The following CABLES1 variants were observed in gnomAD, a reference collection of about 807,000 sequenced individuals.
The protein encoded by CABLES1 is Cdk5 and Abl enzyme substrate 1.
CABLES1 carries 36 observed loss-of-function variants against 57.8 expected under a neutral mutation model. The ratio of observed to expected loss-of-function variants is 0.62; its 90% confidence interval spans 0.48 to 0.82. The LOEUF is 0.82. Ranked by LOEUF, CABLES1 falls within the 40% of genes least tolerant of loss-of-function variation. The pLI is 0.00. For synonymous variants in CABLES1, 374 were observed against 363.0 expected (o/e 1.03, Z -0.35); for missense variants, 767 against 836.6 (o/e 0.92, Z 1.03).
chr18:23,259,510 C>T lies in CABLES1; in HGVS notation c.*2143C>T, dbSNP rs1266188460. ...AGTGGTCCATTACTTTTTAAAGATG[C>T]ATTTTCATTTTAAACTGTCTCCTGG... On this transcript the variant is annotated 3_prime_UTR_variant, in exon 10 of 10. Coordinates refer to ENST00000256925, the MANE Select transcript of CABLES1 (RefSeq NM_001100619.3). The T allele has an allele frequency of 6.6e-6, 1 of 152,200 alleles. No homozygotes were observed. The highest frequency in any genetic ancestry group is 1.9e-4 in the East Asian group (1 of 5,208). 9.4% of individuals were successfully genotyped at this position (152,200 alleles called of 1,614,324 possible).
intron 3 of CABLES1, among the ~76,000 whole-genome samples, chr18:23,196,205 G>A (rs1008161726): frequency 6.6e-6 from 1 of 152,208 alleles, no homozygotes; most frequent in Admixed American, 6.5e-5. Flanking sequence ...AGTTTTGCTG[G>A]GGAGTTTTCA....
At chr18:23,225,853 T>G (rs1310548506) in intron 4 of CABLES1, among the ~76,000 whole-genome samples, 3 of 152,240 alleles carry the variant, frequency 2.0e-5, no homozygotes, top group African/African-American at 4.8e-5. Flanking sequence ...CCCCACTTAG[T>G]AAACAGCTTG....
At position 23,252,972 on chromosome 18, in the gene CABLES1, G is replaced by A. The variant is rs758226982; in HGVS notation, c.1459G>A (p.Asp487Asn). Residue 487 changes from aspartate to asparagine, a missense_variant, in exon 8 of 10, where the codon GAC becomes AAC. This residue lies in a region of CABLES1 where 529 missense variants were observed against 622.8 expected (regional missense o/e 0.85). Coordinates refer to ENST00000256925, the MANE Select transcript of CABLES1 (RefSeq NM_001100619.3). ...IFPSYMTTVIDYVKPSDLKKD... is the reference protein window; with the variant it reads ...IFPSYMTTVINYVKPSDLKKD... ...CTGTCTGTTACAGACAACAGTGATT[G>A]ACTACGTGAAGCCCTCGGATCTCAA... 1 of 1,610,480 alleles carries A rather than the reference G, an allele frequency of 6.2e-7. No individual in the cohort carries two copies. Among genetic ancestry groups the A allele is most frequent in the South Asian group, 1.1e-5 (1 of 90,968 alleles).
intron 1 of CABLES1, among the ~76,000 whole-genome samples, chr18:23,176,456 C>T (rs1197023079): frequency 2.0e-5 from 3 of 152,108 alleles, no homozygotes; most frequent in Non-Finnish European, 2.9e-5. Flanking sequence ...CCTAATAGGC[C>T]GTAAGACCCC....
At chr18:23,197,201 A>G (rs1296418622) in intron 3 of CABLES1, 2 of 152,254 alleles carry the variant, frequency 1.3e-5, no homozygotes, top group Non-Finnish European at 2.9e-5. Flanking sequence ...TGAAAAAACA[A>G]AACAAAAAAC....
intron 7 of CABLES1, among the ~76,000 whole-genome samples, chr18:23,248,522 TTTTTTTTTTTTTTTTTA>T (rs1235940447): frequency 7.5e-6 from 1 of 134,012 alleles, no homozygotes; most frequent in Non-Finnish European, 1.6e-5. Flanking sequence ...CTTTTTTTTT[TTTTTTTTTTTTTTTTTA>T]AAAAAAGGCT....
chr18:23,218,698 C>T (rs1361641496), intron 4 of CABLES1, among the ~76,000 whole-genome samples: 1 of 152,210 alleles, frequency 6.6e-6, no homozygotes, highest in Admixed American at 6.5e-5. Context: ...CCACCATGGC[C>T]TCCACATTTT....
intron 4 of CABLES1, among the ~76,000 whole-genome samples, chr18:23,221,156 T>C (rs1041727934): frequency 1.3e-5 from 2 of 152,264 alleles, no homozygotes; most frequent in African/African-American, 2.4e-5. Context: ...TGCAGCATTG[T>C]TGCATTAGAG....
intron 4 of CABLES1, among the ~76,000 whole-genome samples, chr18:23,222,939 C>T (rs2047500033): frequency 6.6e-6 from 1 of 152,216 alleles, no homozygotes; most frequent in Non-Finnish European, 1.5e-5. Context: ...CCAGCGAGGC[C>T]CCTCCCACCC....
At chr18:23,238,173 T>A (rs1054911759) in intron 7 of CABLES1, among the ~76,000 whole-genome samples, 1 of 152,234 alleles carries the variant, frequency 6.6e-6, no homozygotes, top group African/African-American at 2.4e-5. Context: ...CCAGGGGGTC[T>A]TTTTTCTCCC....
rs539853799 is a variant in CABLES1 at position 23,182,003 on chromosome 18, C to A, written c.846-6835C>A. 2.0e-5 allele frequency among the ~76,000 whole-genome samples: 3 copies of A among 152,308 alleles called. No individual in the cohort carries two copies. The East Asian group carries it at 5.8e-4, about 29-fold the overall frequency. ...CACACCTGTGAAGAAGCAACTGTGC[C>A]ATCCAGTGGCCCAGCGTGCAGCCAG... On this transcript the variant is annotated intron_variant, in intron 1 of 9. Transcript: ENST00000256925.
chr18:23,152,304 A>G (rs990354709), intron 1 of CABLES1, among the ~76,000 whole-genome samples: 1 of 152,094 alleles, frequency 6.6e-6, no homozygotes, highest in African/African-American at 2.4e-5. Context: ...ATTTCTTCTC[A>G]TTGCCTATTT....
chr18:23,205,667 C>T (rs2047357935), intron 3 of CABLES1, among the ~76,000 whole-genome samples: 1 of 152,060 alleles, frequency 6.6e-6, no homozygotes. Context: ...TAGGACGGGC[C>T]CTAATCCAAT....
chr18:23,171,850 G>A (rs960313390), intron 1 of CABLES1, among the ~76,000 whole-genome samples: 9 of 152,192 alleles, frequency 5.9e-5, no homozygotes, highest in Non-Finnish European at 1.3e-4. Context: ...TCCGAGCTCT[G>A]GCCTGTGAGT....
chr18:23,236,665 C>T (rs1371941247), intron 6 of CABLES1, among the ~76,000 whole-genome samples: 3 of 152,178 alleles, frequency 2.0e-5, no homozygotes, highest in Non-Finnish European at 4.4e-5. Flanking sequence ...AGTGTTCCGG[C>T]CACCTCTGAT....
chr18:23,203,288 G>C (rs913392065), intron 3 of CABLES1, among the ~76,000 whole-genome samples: 1 of 152,096 alleles, frequency 6.6e-6, no homozygotes, highest in Non-Finnish European at 1.5e-5. Context: ...TCTGCTTCAA[G>C]AATCATTTCA....
chr18:23,175,241 T>C (rs1011181675), intron 1 of CABLES1, among the ~76,000 whole-genome samples: 2 of 152,186 alleles, frequency 1.3e-5, no homozygotes, highest in African/African-American at 4.8e-5. Flanking sequence ...TATAAGTCAA[T>C]ATTATACTCT....
upstream of CABLES1, among the ~76,000 whole-genome samples, chr18:23,135,158 T>G (rs2046808159): frequency 6.6e-6 from 1 of 150,784 alleles, no homozygotes; most frequent in South Asian, 2.1e-4. Flanking sequence ...CAATTCCCAG[T>G]GCGAGCGCGC....
chr18:23,178,929 T>C (rs1261838459), intron 1 of CABLES1, among the ~76,000 whole-genome samples: 1 of 152,220 alleles, frequency 6.6e-6, no homozygotes, highest in African/African-American at 2.4e-5. Flanking sequence ...TCTAGTGTAT[T>C]GATTTTAATT....
Sources: gnomAD v4.1 joint callset for allele counts (sites outside exome capture counted in the v4.1 genomes callset) on GRCh38, gnomAD v4.1.1 for gene constraint, gnomAD v4.1.1 regional missense constraint, MANE v1.5 for transcripts, NCBI Gene and HGNC (gene_info 2026-07-23, HGNC 2026-07-21) for gene names.